The following NFIA variants were observed in gnomAD, a reference collection of about 807,000 sequenced individuals.
The protein encoded by NFIA is nuclear factor I A, also known as nuclear factor 1 A-type.
NFIA carries 8 observed loss-of-function variants against 62.8 expected under a neutral mutation model. The ratio of observed to expected loss-of-function variants is 0.13; its 90% CI spans 0.07 to 0.23. NFIA has a LOEUF of 0.23. NFIA is among the 10% of genes least tolerant of loss of function. The pLI is 1.00. For missense variants in NFIA, 410 were observed against 642.1 expected (o/e 0.64, Z 3.91); for synonymous variants, 235 against 238.1 (o/e 0.99, Z 0.12).
At chr1:61,208,591 A>T (rs1287634213) in intron 2 of NFIA, among the ~76,000 whole-genome samples, 1 of 152,162 alleles carries the variant, frequency 6.6e-6, no homozygotes, top group Non-Finnish European at 1.5e-5. Context: ...CAAACTACTT[A>T]ATCTTTCTGA....
intron 4 of NFIA, among the ~76,000 whole-genome samples, chr1:61,333,949 G>A (rs1570595505): frequency 6.6e-6 from 1 of 152,286 alleles, no homozygotes; most frequent in East Asian, 1.9e-4. Flanking sequence ...GCAGTGAGCT[G>A]AGATCACACT....
At chr1:61,305,430 A>G (rs1172557935) in intron 3 of NFIA, among the ~76,000 whole-genome samples, 1 of 152,148 alleles carries the variant, frequency 6.6e-6, no homozygotes, top group Non-Finnish European at 1.5e-5. Context: ...TGCATTTTTT[A>G]TGAACAGCAG....
At chr1:61,185,488 A>G (rs535188127) in intron 2 of NFIA, among the ~76,000 whole-genome samples, 9 of 152,308 alleles carry the variant, frequency 5.9e-5, no homozygotes, top group Non-Finnish European at 1.0e-4. Flanking sequence ...GTGGTATTTC[A>G]AAGAAGTTAG....
intron 3 of NFIA, among the ~76,000 whole-genome samples, chr1:61,280,459 A>ATG (rs1295951974): frequency 3.9e-5 from 6 of 152,058 alleles, no homozygotes; most frequent in African/African-American, 1.4e-4. Context: ...GTGTATATAT[A>ATG]TATGTATGTT....
intron 2 of NFIA, among the ~76,000 whole-genome samples, chr1:61,260,128 G>A (rs931400098): frequency 4.6e-5 from 7 of 152,226 alleles, no homozygotes; most frequent in African/African-American, 1.4e-4. Flanking sequence ...AGGAATTTAG[G>A]TCGCAGACGT....
chr1:61,391,880 C>T (rs116005198), intron 7 of NFIA, among the ~76,000 whole-genome samples: 1,924 of 152,268 alleles, frequency 0.013, 39 homozygotes, highest in African/African-American at 0.043. Flanking sequence ...TGGTTTAGTG[C>T]AATTGAATCA....
At chr1:61,077,230 G>GGA, upstream of NFIA, 1 of 184,162 alleles carries the variant, frequency 5.4e-6, no homozygotes, top group Non-Finnish European at 1.1e-5. Context: ...AGTTGGGAGA[G>GGA]GAGAGAGGGA....
At chr1:61,452,994 T>G (rs1266283202) in intron 10 of NFIA, among the ~76,000 whole-genome samples, 1 of 152,076 alleles carries the variant, frequency 6.6e-6, no homozygotes, top group East Asian at 1.9e-4. Flanking sequence ...CATGCAAATA[T>G]CCACCCCCCA....
intron 2 of NFIA, among the ~76,000 whole-genome samples, chr1:61,117,125 C>A (rs1053150763): frequency 6.6e-6 from 1 of 152,200 alleles, no homozygotes; most frequent in African/African-American, 2.4e-5. Context: ...TTCAATTTCA[C>A]CCTCTCCAGC....
intron 2 of NFIA, among the ~76,000 whole-genome samples, chr1:61,131,851 G>T (rs530964725): frequency 1.3e-5 from 2 of 152,202 alleles, no homozygotes; most frequent in Non-Finnish European, 1.5e-5. Context: ...ATACATTGAA[G>T]CCTGGGAAAG....
chr1:61,447,532 A>G (rs1667865290), intron 10 of NFIA, among the ~76,000 whole-genome samples: 1 of 152,194 alleles, frequency 6.6e-6, no homozygotes. Flanking sequence ...CAGCAGAGCC[A>G]TCCACTGCAC....
chr1:61,373,004 A>T (rs546632993), intron 6 of NFIA, among the ~76,000 whole-genome samples: 1 of 152,286 alleles, frequency 6.6e-6, no homozygotes, highest in South Asian at 2.1e-4. Context: ...ATTCATAAGC[A>T]CTACCTTTAA....
At chr1:61,421,189 T>C (rs1172066781) in intron 9 of NFIA, among the ~76,000 whole-genome samples, 2 of 152,180 alleles carry the variant, frequency 1.3e-5, no homozygotes, top group Non-Finnish European at 1.5e-5. Flanking sequence ...GTTTTATTTA[T>C]ATTACTTTTT....
intron 2 of NFIA, among the ~76,000 whole-genome samples, chr1:61,163,053 T>C (rs1649323821): frequency 6.6e-6 from 1 of 152,056 alleles, no homozygotes; most frequent in Admixed American, 6.6e-5. Context: ...CACTTTTGAA[T>C]CTCAAGAACT....
chr1:61,418,620 A>G (rs1666465525), intron 9 of NFIA, among the ~76,000 whole-genome samples: 2 of 152,318 alleles, frequency 1.3e-5, no homozygotes, highest in South Asian at 2.1e-4. Flanking sequence ...TCTTATAAGC[A>G]CATTACATTA....
In NFIA at chr1:61,366,877, T is replaced by G. The variant is rs372883938; in HGVS notation, c.946+7603T>G. On this transcript the variant is annotated intron_variant, in intron 6 of 10. Transcript: ENST00000403491. Reference sequence around the variant, plus strand: ...GGCAGAGGTTGCAGTGAGTCAAGATTGTGCCATTGCACTCCAGTCTGGGCG... The same window carrying G: ...GGCAGAGGTTGCAGTGAGTCAAGATGGTGCCATTGCACTCCAGTCTGGGCG... Among the ~76,000 whole-genome samples the G allele has an allele frequency of 1.5e-4, 23 of 152,276 alleles. No homozygotes were observed. In the East Asian group the frequency reaches 2.3e-3, roughly 15 times the overall value.
intron 7 of NFIA, among the ~76,000 whole-genome samples, chr1:61,399,524 A>G (rs1221727083): frequency 6.6e-6 from 1 of 152,228 alleles, no homozygotes; most frequent in Non-Finnish European, 1.5e-5. Context: ...AATTAAGGCA[A>G]TGTCAGGGTT....
intron 2 of NFIA, among the ~76,000 whole-genome samples, chr1:61,141,273 A>G (rs694151): frequency 0.93 from 140,897 of 152,136 alleles, 65,485 homozygotes; most frequent in Middle Eastern, 0.97. Flanking sequence ...ACAGAAACCC[A>G]AGTTAACATC....
intron 1 of NFIA, among the ~76,000 whole-genome samples, chr1:61,087,184 T>G (rs891891347): frequency 6.6e-6 from 1 of 152,134 alleles, no homozygotes; most frequent in Admixed American, 6.5e-5. Context: ...TTTTTCAATT[T>G]TAAGAGGCAT....
Sources: gnomAD v4.1 joint callset for allele counts (sites outside exome capture counted in the v4.1 genomes callset) on GRCh38, gnomAD v4.1.1 for gene constraint, MANE v1.5 for transcripts, NCBI Gene and HGNC (gene_info 2026-07-23, HGNC 2026-07-21) for gene names.